ITCH: variants seen among roughly 807,000 people sequenced by gnomAD.
ITCH encodes the protein itchy E3 ubiquitin protein ligase.
Under a neutral mutation model 126.8 loss-of-function variants are expected in ITCH, and 28 were observed. That is an observed-to-expected ratio of 0.22 (90% CI 0.16 to 0.30). ITCH has a LOEUF of 0.30. Among genes scored for constraint, ITCH ranks in the 10% least tolerant of loss-of-function variants. The probability of loss-of-function intolerance (pLI) is 1.00; values close to 1 mark genes in which losing one functional copy is unlikely to be tolerated. For synonymous variants in ITCH, 342 were observed against 340.0 expected (o/e 1.01, Z -0.06); for missense variants, 631 against 1,032.4 (o/e 0.61, Z 5.33).
At chr20:34,450,879 C>T (rs1985118015) in intron 12 of ITCH, 1 of 152,072 alleles carries the variant, frequency 6.6e-6, no homozygotes. Flanking sequence ...AATCTCATTG[C>T]TCTTATTTAA....
Position 34,369,630 on chromosome 20 carries a change from T to C in ITCH, c.-22+160T>C, listed in dbSNP as rs572980277. On this transcript the variant is annotated intron_variant, in intron 2 of 24. Transcript: ENST00000374864. ...CTTGGTTCTGAAACCCAAAGCTGCC[T>C]CTGCAGGGATTAGCCTGTGAGCCAC... 4.1e-4 allele frequency: 160 copies of C among 391,850 alleles called. No individual in the cohort carries two copies. The South Asian group carries it at 9.8e-3, about 24-fold the overall frequency. 24.3% of individuals were successfully genotyped at this position (391,850 alleles called of 1,614,324 possible). A position where few individuals can be genotyped will look rare whatever the true frequency, so the allele number is the denominator to read the frequency against.
chr20:34,507,263 G>GT (rs776161631), intron 24 of ITCH, among the ~76,000 whole-genome samples: 2,216 of 39,110 alleles, frequency 0.057, 202 homozygotes, highest in African/African-American at 0.15. Context: ...GTTTTCTTCT[G>GT]TTTTTTTTTT....
chr20:34,365,611 T>C (rs2037392505), intron 1 of ITCH, among the ~76,000 whole-genome samples: 1 of 152,146 alleles, frequency 6.6e-6, no homozygotes, highest in Non-Finnish European at 1.5e-5. Context: ...GAGATGGGTT[T>C]TCACCATATT....
At chr20:34,447,259 A>T (rs1449703414) in intron 11 of ITCH, among the ~76,000 whole-genome samples, 1 of 151,416 alleles carries the variant, frequency 6.6e-6, no homozygotes, top group Non-Finnish European at 1.5e-5. Context: ...ATTTTCTGAA[A>T]TTTTTACTCT....
intron 2 of ITCH, among the ~76,000 whole-genome samples, chr20:34,385,211 GT>G (rs1158647581): frequency 1.3e-4 from 18 of 141,178 alleles, no homozygotes; most frequent in South Asian, 9.0e-4. Context: ...GTGTGTGTGT[GT>G]GTGTGTGTGG....
intron 20 of ITCH, among the ~76,000 whole-genome samples, chr20:34,482,371 A>G (rs1365695514): frequency 6.6e-6 from 1 of 152,222 alleles, no homozygotes; most frequent in Non-Finnish European, 1.5e-5. Context: ...GAGCCTGTAA[A>G]ATTAAAAGCA....
chr20:34,390,683 C>T (rs1408916515), intron 2 of ITCH, among the ~76,000 whole-genome samples: 3 of 151,974 alleles, frequency 2.0e-5, no homozygotes, highest in Non-Finnish European at 4.4e-5. Flanking sequence ...CTCCTGACCT[C>T]AGGTGATCCA....
chr20:34,501,787 A>AAG (rs1434093576), intron 23 of ITCH, among the ~76,000 whole-genome samples: 1 of 151,750 alleles, frequency 6.6e-6, no homozygotes, highest in Non-Finnish European at 1.5e-5. Context: ...CAAAAAAAAA[A>AAG]AAAAAAAGAC....
intron 20 of ITCH, among the ~76,000 whole-genome samples, chr20:34,485,879 T>C (rs1310847244): frequency 6.6e-6 from 1 of 152,224 alleles, no homozygotes; most frequent in African/African-American, 2.4e-5. Context: ...TTTGTAGAGA[T>C]GTGGTCTTGC....
chr20:34,485,056 G>A (rs1330022490), intron 20 of ITCH, among the ~76,000 whole-genome samples: 4 of 152,040 alleles, frequency 2.6e-5, no homozygotes, highest in Admixed American at 2.6e-4. Context: ...CTTATATCTA[G>A]CTTTTAGTGT....
At chr20:34,446,195 T>C (rs1189027779) in intron 11 of ITCH, among the ~76,000 whole-genome samples, 2 of 152,188 alleles carry the variant, frequency 1.3e-5, no homozygotes, top group African/African-American at 4.8e-5. Flanking sequence ...GAAATTTGAT[T>C]CTCTATGCCA....
intron 7 of ITCH, among the ~76,000 whole-genome samples, chr20:34,437,386 A>C (rs892737298): frequency 1.3e-5 from 2 of 150,878 alleles, no homozygotes; most frequent in African/African-American, 4.9e-5. Flanking sequence ...GCTCACTGCA[A>C]CCTCCACTTC....
At chr20:34,438,915 C>T (rs1277694139) in intron 8 of ITCH, among the ~76,000 whole-genome samples, 1 of 152,134 alleles carries the variant, frequency 6.6e-6, no homozygotes, top group African/African-American at 2.4e-5. Context: ...TTGTACCTTT[C>T]TTAAATGGTT....
At chr20:34,448,253 C>G (rs1419692181) in intron 11 of ITCH, among the ~76,000 whole-genome samples, 1 of 152,056 alleles carries the variant, frequency 6.6e-6, no homozygotes, top group Middle Eastern at 3.4e-3. Flanking sequence ...GTTAGCTGGG[C>G]GTGGTGGCGC....
rs1286623983 is a variant in ITCH at position 34,440,285 on chromosome 20, A to G, written c.810A>G (p.Ile270Met). 1.9e-6 allele frequency: 3 copies of G among 1,614,112 alleles called. No homozygotes were observed. The Admixed American group carries it at 5.0e-5, about 27-fold the overall frequency. The change falls in exon 9 of 25, where the codon ATA (isoleucine) becomes ATG (methionine). Residue 270 changes from isoleucine to methionine, a missense_variant. Ile to Met is a conservative substitution (Grantham distance 10). This residue lies in a region of ITCH where 390 missense variants were observed against 731.6 expected (regional missense o/e 0.53). Transcript: ENST00000374864. Reference sequence around the variant, plus strand: ...CTGGATTAATAATTCCTCTTACTATATCTGGAGGCTCAGGCCCTAGGCCAT... The same window carrying G: ...CTGGATTAATAATTCCTCTTACTATGTCTGGAGGCTCAGGCCCTAGGCCAT... ...ATSGLIIPLT[I>M]SGGSGPRPLN...
At chr20:34,439,390 A>G (rs751094202) in intron 8 of ITCH, among the ~76,000 whole-genome samples, 1 of 152,170 alleles carries the variant, frequency 6.6e-6, no homozygotes, top group Non-Finnish European at 1.5e-5. Context: ...GTCTAGCCTC[A>G]GCCTCCCGAG....
intron 12 of ITCH, among the ~76,000 whole-genome samples, chr20:34,452,719 G>T (rs1042984052): frequency 6.6e-6 from 1 of 152,148 alleles, no homozygotes; most frequent in East Asian, 1.9e-4. Context: ...CCAGGCTGGG[G>T]TGCAGTGGCT....
At position 34,457,450 on chromosome 20, in the gene ITCH, A is replaced by G; in HGVS notation, c.1271A>G (p.Gln424Arg). ...GTCAACCACAACACACGAATTACAC[A>G]ATGGGAAGACCCCAGAAGTCAAGGG... ...YFVNHNTRIT[Q>R]WEDPRSQGQL... The change falls in exon 13 of 25, where the codon CAA becomes CGA. Residue 424 changes from glutamine to arginine, a missense_variant. Physicochemically the swap from Gln to Arg is conservative, Grantham distance 43. This residue lies in a region of ITCH where 390 missense variants were observed against 731.6 expected (regional missense o/e 0.53). Coordinates refer to ENST00000374864, the MANE Select transcript of ITCH (RefSeq NM_031483.7). The G allele has an allele frequency of 6.2e-7, 1 of 1,612,348 alleles. No homozygotes were observed. Among genetic ancestry groups the G allele is most frequent in the Non-Finnish European group, 8.5e-7 (1 of 1,178,510 alleles).
intron 3 of ITCH, among the ~76,000 whole-genome samples, chr20:34,395,909 G>T (rs951887974): frequency 2.0e-5 from 3 of 151,886 alleles, no homozygotes; most frequent in Non-Finnish European, 4.4e-5. Context: ...AAACATTTGT[G>T]TACAAGTTTT....
Sources: allele counts gnomAD v4.1 joint callset (sites outside exome capture counted in the v4.1 genomes callset), GRCh38; gene constraint gnomAD v4.1.1; regional missense constraint gnomAD v4.1.1; transcripts MANE v1.5; gene names NCBI Gene and HGNC (gene_info 2026-07-23, HGNC 2026-07-21).